INSL6: variants seen among roughly 807,000 people sequenced by gnomAD.
INSL6 encodes the protein insulin like 6.
Under a neutral mutation model 9.4 loss-of-function variants are expected in INSL6, and 16 were observed. That is an observed-to-expected ratio of 1.70 (90% CI 1.15 to 2.59). The LOEUF is 2.59. Ranked by LOEUF, INSL6 falls within the 30% of genes most tolerant of loss-of-function variation. The pLI, the probability that INSL6 is intolerant of heterozygous loss-of-function variation, is 0.00. For synonymous variants in INSL6, 154 were observed against 96.9 expected (o/e 1.59, Z -3.46); for missense variants, 391 against 257.3 (o/e 1.52, Z -3.56).
chr9:5,083,031 A>G, the INSL6 span, among the ~76,000 whole-genome samples: 3 of 152,226 alleles, frequency 2.0e-5, no homozygotes, highest in Admixed American at 6.5e-5. Context: ...TTTAACATGT[A>G]ATGTGCATGA....
chr9:5,121,773 T>C (rs1043307926), downstream of INSL6, among the ~76,000 whole-genome samples: 3 of 152,178 alleles, frequency 2.0e-5, no homozygotes, highest in Non-Finnish European at 2.9e-5. Flanking sequence ...TTAATTTTGT[T>C]CTTTTTAAAT....
intron 2 of INSL6, among the ~76,000 whole-genome samples, chr9:5,155,529 TAAAAAAA>T (rs797017082): frequency 3.3e-5 from 3 of 90,982 alleles, no homozygotes; most frequent in African/African-American, 1.8e-4. Flanking sequence ...AACTACTAAA[TAAAAAAA>T]AAAAAGAAAA....
chr9:4,995,445 T>C, the INSL6 span, among the ~76,000 whole-genome samples: 1 of 152,262 alleles, frequency 6.6e-6, no homozygotes, highest in African/African-American at 2.4e-5. Flanking sequence ...TGATGCAAGA[T>C]ATAAGATGGG....
At chr9:5,041,314 G>A in the INSL6 span, 42 of 781,754 alleles carry the variant, frequency 5.4e-5, no homozygotes, top group Non-Finnish European at 8.2e-5. Context: ...AGCACATCCC[G>A]TGCAGCCAGC....
chr9:5,099,030 C>A, the INSL6 span: 2 of 152,140 alleles, frequency 1.3e-5, no homozygotes, highest in African/African-American at 4.8e-5. Flanking sequence ...CAACACCAGA[C>A]TTAAAACCAG....
the INSL6 span, among the ~76,000 whole-genome samples, chr9:5,103,270 C>A: frequency 7.6e-6 from 1 of 131,868 alleles, no homozygotes; most frequent in African/African-American, 3.2e-5. Flanking sequence ...GAGTTGCAAT[C>A]CCGGTCTCTG....
intron 1 of INSL6, among the ~76,000 whole-genome samples, chr9:5,174,978 C>A (rs939508979): frequency 1.3e-5 from 2 of 150,632 alleles, no homozygotes; most frequent in Non-Finnish European, 2.9e-5. Flanking sequence ...CTCGCTCTGG[C>A]GCCCAGGCTG....
the INSL6 span, among the ~76,000 whole-genome samples, chr9:5,082,247 C>T: frequency 0.031 from 4,654 of 152,180 alleles, 123 homozygotes; most frequent in Non-Finnish European, 0.038. Context: ...AAGAGGAATG[C>T]GGCAGGAGAG....
the INSL6 span, among the ~76,000 whole-genome samples, chr9:4,998,859 C>A: frequency 6.6e-6 from 1 of 152,092 alleles, no homozygotes. Flanking sequence ...GAGATGGAGT[C>A]TCCCTCTGTC....
chr9:5,181,026 C>G (rs1223166802), intron 1 of INSL6, among the ~76,000 whole-genome samples: 1 of 152,190 alleles, frequency 6.6e-6, no homozygotes, highest in Non-Finnish European at 1.5e-5. Flanking sequence ...GGCGGCCCAG[C>G]TGTAAAATTC....
chr9:5,104,486 G>C, the INSL6 span, among the ~76,000 whole-genome samples: 1 of 152,188 alleles, frequency 6.6e-6, no homozygotes, highest in Non-Finnish European at 1.5e-5. Context: ...GAGGTACAAA[G>C]AGGAGCTGAT....
the INSL6 span, chr9:5,090,430 A>T: frequency 6.6e-6 from 10 of 1,509,216 alleles, no homozygotes; most frequent in Non-Finnish European, 6.2e-6. Context: ...CATTATTTCC[A>T]CCTTTATGTT....
the INSL6 span, among the ~76,000 whole-genome samples, chr9:5,074,172 A>G: frequency 6.6e-6 from 1 of 152,252 alleles, no homozygotes; most frequent in East Asian, 1.9e-4. Flanking sequence ...TTTTAATGGA[A>G]CTGACAGAAA....
the INSL6 span, among the ~76,000 whole-genome samples, chr9:5,028,573 C>T: frequency 6.6e-6 from 1 of 152,220 alleles, no homozygotes; most frequent in Admixed American, 6.5e-5. Context: ...AGCTATGAAA[C>T]TACTCCTAGA....
chr9:5,069,235 A>T, the INSL6 span: 2 of 1,486,438 alleles, frequency 1.3e-6, no homozygotes, highest in Non-Finnish European at 1.9e-6. Flanking sequence ...GTTATTTTTA[A>T]ATTACTGGTC....
chr9:5,110,995 C>G, the INSL6 span: 8 of 672,424 alleles, frequency 1.2e-5, 1 homozygote, highest in South Asian at 1.0e-4. Flanking sequence ...GTTCCCGCTG[C>G]CCGTTGCCAA....
intron 2 of INSL6, among the ~76,000 whole-genome samples, chr9:5,134,177 A>G (rs924616830): frequency 2.6e-5 from 4 of 152,186 alleles, no homozygotes; most frequent in African/African-American, 9.6e-5. Flanking sequence ...CAAAGCCTCC[A>G]AGAAATATGG....
chr9:5,022,267 G>C, the INSL6 span: 2 of 1,236,556 alleles, frequency 1.6e-6, no homozygotes, highest in Non-Finnish European at 2.4e-6. Context: ...TTTTAATTAT[G>C]CTATGCTAAT....
At chr9:5,123,563 T>C (rs2130855150), downstream of INSL6, among the ~76,000 whole-genome samples, 1 of 152,158 alleles carries the variant, frequency 6.6e-6, no homozygotes, top group African/African-American at 2.4e-5. Flanking sequence ...GATGGACACT[T>C]AGGTTGATTC....
Sources: allele counts gnomAD v4.1 joint callset (sites outside exome capture counted in the v4.1 genomes callset), GRCh38; gene constraint gnomAD v4.1.1; transcripts MANE v1.5; gene names NCBI Gene and HGNC (gene_info 2026-07-23, HGNC 2026-07-21).